The following TSC22D1 variants were observed in gnomAD, a reference collection of about 807,000 sequenced individuals.
TSC22D1 encodes TSC22 domain family member 1.
In TSC22D1, 9 loss-of-function variants were observed where a neutral mutation model predicts 74.2. That is an observed-to-expected ratio of 0.12 (90% CI 0.07 to 0.21). TSC22D1 has a LOEUF of 0.21. TSC22D1 is among the 10% of genes least tolerant of loss of function. TSC22D1 has a pLI of 1.00. For synonymous variants in TSC22D1, 586 were observed against 492.5 expected, an observed-to-expected ratio of 1.19 and a Z score of -2.51; for missense variants, 1,427 against 1,304.7, an observed-to-expected ratio of 1.09 and a Z score of -1.44.
At chr13:44,512,218 G>A (rs748855034) in intron 1 of TSC22D1, among the ~76,000 whole-genome samples, 4 of 151,976 alleles carry the variant, frequency 2.6e-5, no homozygotes, top group Non-Finnish European at 5.9e-5. Context: ...CGCCCAGGCC[G>A]GAGTGCAATG....
intron 1 of TSC22D1, among the ~76,000 whole-genome samples, chr13:44,541,076 A>T (rs1467621274): frequency 3.3e-5 from 5 of 152,206 alleles, no homozygotes; most frequent in Admixed American, 6.5e-5. Context: ...CCAACTAGTT[A>T]TCACAAGGGT....
At chr13:44,540,195 AAAATGAT>A (rs1418411054) in intron 1 of TSC22D1, among the ~76,000 whole-genome samples, 2 of 152,302 alleles carry the variant, frequency 1.3e-5, no homozygotes, top group East Asian at 3.9e-4. Context: ...GACCAAATCA[AAAATGAT>A]AAATTATGAC....
intron 1 of TSC22D1, among the ~76,000 whole-genome samples, chr13:44,559,317 C>T (rs975637039): frequency 6.6e-6 from 1 of 152,114 alleles, no homozygotes; most frequent in African/African-American, 2.4e-5. Context: ...AAAGGAACAA[C>T]CTTAACCAAA....
intron 1 of TSC22D1, among the ~76,000 whole-genome samples, chr13:44,491,077 G>T (rs1297156974): frequency 6.6e-6 from 1 of 151,968 alleles, no homozygotes; most frequent in Non-Finnish European, 1.5e-5. Flanking sequence ...GAGGCACGAA[G>T]AATCATTTGA....
rs559396006 is a variant in TSC22D1 at position 44,484,050 on chromosome 13, ATC to A, written c.2913-47957_2913-47956del. Among the ~76,000 whole-genome samples the A allele has an allele frequency of 1.1e-4, 16 of 152,372 alleles. No individual in the cohort carries two copies. The South Asian group carries it at 3.1e-3, about 30-fold the overall frequency. On this transcript the variant is annotated intron_variant, in intron 1 of 2. Coordinates refer to ENST00000458659, the MANE Select transcript of TSC22D1 (RefSeq NM_183422.4). ...GAACACATAGGTATCTTATACACGA[ATC>A]TTGGCCCTTTTTAAAAGCATTACTT...
intron 1 of TSC22D1, among the ~76,000 whole-genome samples, chr13:44,508,231 T>C (rs1879526075): frequency 6.6e-6 from 1 of 152,216 alleles, no homozygotes; most frequent in East Asian, 1.9e-4. Flanking sequence ...TCATTTATAA[T>C]TAAAGTTCAG....
chr13:44,572,524 C>T (rs1346129500), intron 1 of TSC22D1, among the ~76,000 whole-genome samples: 2 of 152,172 alleles, frequency 1.3e-5, no homozygotes, highest in Non-Finnish European at 2.9e-5. Context: ...CAAGATAAGT[C>T]TGGTTATTTT....
At chr13:44,498,971 T>C (rs1879101979) in intron 1 of TSC22D1, among the ~76,000 whole-genome samples, 1 of 152,058 alleles carries the variant, frequency 6.6e-6, no homozygotes, top group Non-Finnish European at 1.5e-5. Flanking sequence ...TAAAAAAAAA[T>C]GCAAAGTTTC....
At chr13:44,551,922 C>CA (rs1051541261) in intron 1 of TSC22D1, among the ~76,000 whole-genome samples, 4 of 151,580 alleles carry the variant, frequency 2.6e-5, no homozygotes, top group Admixed American at 6.6e-5. Flanking sequence ...AGTAAAAAAA[C>CA]AAAAAAAAGA....
At chr13:44,454,836 T>G (rs1482585229) in intron 1 of TSC22D1, among the ~76,000 whole-genome samples, 1 of 136,638 alleles carries the variant, frequency 7.3e-6, no homozygotes, top group Non-Finnish European at 1.7e-5. Context: ...AAGCAAAAAA[T>G]ACTTCTGCAC....
intron 1 of TSC22D1, among the ~76,000 whole-genome samples, chr13:44,486,749 G>A (rs1364396709): frequency 6.6e-6 from 1 of 152,112 alleles, no homozygotes; most frequent in Non-Finnish European, 1.5e-5. Context: ...CACGTTTGCT[G>A]AACACTATGC....
chr13:44,538,116 T>C (rs1182586587), intron 1 of TSC22D1: 40 of 985,228 alleles, frequency 4.1e-5, no homozygotes, highest in Non-Finnish European at 4.8e-5. Context: ...CTTATTCTAA[T>C]ACTAAGTGCT....
chr13:44,552,415 A>C (rs1054025876), intron 1 of TSC22D1, among the ~76,000 whole-genome samples: 5 of 152,192 alleles, frequency 3.3e-5, no homozygotes, highest in African/African-American at 1.2e-4. Context: ...GCACGTAACA[A>C]ACTGATCATT....
chr13:44,553,161 C>G (rs1020385665), intron 1 of TSC22D1, among the ~76,000 whole-genome samples: 3 of 152,166 alleles, frequency 2.0e-5, no homozygotes, highest in Admixed American at 6.5e-5. Flanking sequence ...ATTTCTCAAT[C>G]TGTGTTTCAA....
intron 1 of TSC22D1, among the ~76,000 whole-genome samples, chr13:44,489,553 C>T (rs1878606127): frequency 6.6e-6 from 1 of 150,586 alleles, no homozygotes; most frequent in East Asian, 1.9e-4. Flanking sequence ...AGGCTGAGAA[C>T]ACTGGCTCAT....
chr13:44,453,113 G>A (rs143124254), intron 1 of TSC22D1, among the ~76,000 whole-genome samples: 1 of 152,304 alleles, frequency 6.6e-6, no homozygotes, highest in Non-Finnish European at 1.5e-5. Context: ...AAAGGTGCAT[G>A]TAAAGTTATC....
rs903682533 is a variant in TSC22D1 at position 44,576,297 on chromosome 13, G to T, written c.-223C>A. 4.4e-5 allele frequency: 26 copies of T among 594,846 alleles called. No individual in the cohort carries two copies. The highest frequency in any genetic ancestry group is 2.4e-4 in the Admixed American group (7 of 29,672). The allele number at this position is 594,846 out of a possible 1,614,324, so 36.8% of individuals were successfully genotyped here. On this transcript the variant is annotated 5_prime_UTR_variant, in exon 1 of 3. Transcript: ENST00000458659. ...TGAACAGGGCGGCCGGGGACCCGAA[G>T]GGGGGATCCCTTCAGTCCTTCGCCA...
intron 1 of TSC22D1, among the ~76,000 whole-genome samples, chr13:44,569,011 A>G (rs1232586198): frequency 6.6e-6 from 1 of 152,236 alleles, no homozygotes; most frequent in Admixed American, 6.5e-5. Flanking sequence ...TGGTAACAAC[A>G]AAATTAAATC....
intron 1 of TSC22D1, among the ~76,000 whole-genome samples, chr13:44,509,950 C>CAAAAAAAAAAAAAAAAA: frequency 6.0e-4 from 31 of 51,422 alleles, no homozygotes; most frequent in East Asian, 1.1e-3. Flanking sequence ...AGAAAATAAG[C>CAAAAAAAAAAAAAAAAA]AAAAAAAAAA....
Sources: gnomAD v4.1 joint callset for allele counts (sites outside exome capture counted in the v4.1 genomes callset) on GRCh38, gnomAD v4.1.1 for gene constraint, MANE v1.5 for transcripts, NCBI Gene and HGNC (gene_info 2026-07-23, HGNC 2026-07-21) for gene names.